The following DIRAS2 variants were observed in gnomAD, a reference collection of about 807,000 sequenced individuals.
The protein encoded by DIRAS2 is GTP-binding protein Di-Ras2.
Under a neutral mutation model 13.9 loss-of-function variants are expected in DIRAS2, and 5 were observed. That is an observed-to-expected ratio of 0.36 (90% CI 0.19 to 0.76). DIRAS2 has a LOEUF of 0.76. Ranked by LOEUF, DIRAS2 falls within the 30% of genes least tolerant of loss-of-function variation. The pLI is 0.53. For synonymous variants in DIRAS2, 111 were observed against 105.4 expected (o/e 1.05, Z -0.33); for missense variants, 191 against 263.0 (o/e 0.73, Z 1.89).
intron 1 of DIRAS2, among the ~76,000 whole-genome samples, chr9:90,633,104 T>C (rs1000469970): frequency 4.0e-5 from 6 of 151,076 alleles, no homozygotes; most frequent in Non-Finnish European, 7.4e-5. Flanking sequence ...GTGAGGAGAG[T>C]CTGGAAAAGA....
rs1825135017 is a variant in DIRAS2, at chr9:90,613,390, G to A, written c.438C>T (p.Ala146=). 1 of 1,614,124 alleles carries A rather than the reference G, an allele frequency of 6.2e-7. No homozygotes were observed. The highest frequency in any genetic ancestry group is 1.7e-5 in the Admixed American group (1 of 60,018). ...AEALARTWKC[A]FMETSAKLNH... The stretch of plus-strand genomic sequence containing the variant: ...TGAGCTTGGCTGAGGTCTCCATGAA[G>A]GCACACTTCCATGTGCGGGCCAAGG... Residue 146 remains alanine, a synonymous_variant, in exon 2 of 2, where the codon GCC becomes GCT. Transcript: ENST00000375765. This position sits in a 1 kb window ranked among gnomAD's most constrained non-coding sequence, Gnocchi z 5.6.
At chr9:90,640,913 TAGA>T (rs1233971953) in intron 1 of DIRAS2, among the ~76,000 whole-genome samples, 1 of 152,170 alleles carries the variant, frequency 6.6e-6, no homozygotes, top group African/African-American at 2.4e-5. Flanking sequence ...GTCTCCAAAT[TAGA>T]AGAAGAATGA....
chr9:90,617,505 T>A (rs554004965), intron 1 of DIRAS2, among the ~76,000 whole-genome samples: 1 of 152,324 alleles, frequency 6.6e-6, no homozygotes, highest in African/African-American at 2.4e-5. Flanking sequence ...TTTCTGCATT[T>A]GAGTTGCTTT....
chr9:90,638,127 T>C (rs1481921328), intron 1 of DIRAS2, among the ~76,000 whole-genome samples: 1 of 152,216 alleles, frequency 6.6e-6, no homozygotes, highest in Non-Finnish European at 1.5e-5. Context: ...CTGAAACCAC[T>C]AAAAATTCTC....
intron 1 of DIRAS2, among the ~76,000 whole-genome samples, chr9:90,626,934 C>T (rs999950135): frequency 1.3e-5 from 2 of 152,142 alleles, no homozygotes; most frequent in Non-Finnish European, 2.9e-5. Context: ...TTTGTCCCTG[C>T]CCACATTTTG....
At chr9:90,614,584 G>T (rs763725384) in intron 1 of DIRAS2, among the ~76,000 whole-genome samples, 1 of 152,046 alleles carries the variant, frequency 6.6e-6, no homozygotes, top group Non-Finnish European at 1.5e-5. Context: ...GGATGTCAAT[G>T]CCCATCCCAT....
intron 1 of DIRAS2, among the ~76,000 whole-genome samples, chr9:90,616,702 A>G (rs1038473798): frequency 7.5e-6 from 1 of 133,500 alleles, no homozygotes; most frequent in Admixed American, 9.0e-5. Context: ...ATGCCACCGC[A>G]CTCCAGCCTG....
rs777120040 is a variant in DIRAS2 at position 90,610,448 on chromosome 9, G to A, written c.*2780C>T. 7.3e-5 allele frequency: 29 copies of A among 398,944 alleles called. No homozygotes were observed. Among genetic ancestry groups the A allele is most frequent in the Middle Eastern group, 1.3e-3 (2 of 1,588 alleles). The allele number at this position is 398,944 out of a possible 1,614,324, so 24.7% of individuals were successfully genotyped here. On this transcript the variant is annotated 3_prime_UTR_variant, in exon 2 of 2. Coordinates refer to ENST00000375765, the MANE Select transcript of DIRAS2 (RefSeq NM_017594.5). Reference sequence around the variant, plus strand: ...GTCGCTGGATGGAGGAGGGGCTCATGGGGATAGAAGGGAAGTCATGGAGCC... The same window carrying A: ...GTCGCTGGATGGAGGAGGGGCTCATAGGGATAGAAGGGAAGTCATGGAGCC...
chr9:90,624,392 G>A (rs1247147010), intron 1 of DIRAS2, among the ~76,000 whole-genome samples: 15 of 151,676 alleles, frequency 9.9e-5, no homozygotes, highest in South Asian at 2.1e-4. Context: ...TGCTTTTCCC[G>A]GAATCTTGTA....
At chr9:90,620,754 A>G (rs950269970) in intron 1 of DIRAS2, among the ~76,000 whole-genome samples, 10 of 151,790 alleles carry the variant, frequency 6.6e-5, no homozygotes, top group Non-Finnish European at 1.5e-4. Context: ...AAAAAAAAAG[A>G]AAGGAAAGAA....
At chr9:90,622,501 A>G (rs991194465) in intron 1 of DIRAS2, among the ~76,000 whole-genome samples, 7 of 149,950 alleles carry the variant, frequency 4.7e-5, no homozygotes, top group Admixed American at 4.6e-4. Flanking sequence ...GCCAATTTTG[A>G]TATTTCAATT....
chr9:90,628,487 G>A (rs1825292271), intron 1 of DIRAS2, among the ~76,000 whole-genome samples: 1 of 151,196 alleles, frequency 6.6e-6, no homozygotes, highest in African/African-American at 2.4e-5. Flanking sequence ...TGTAAAACTG[G>A]ATAATATATG....
At chr9:90,642,473 A>G (rs529838307) in intron 1 of DIRAS2, among the ~76,000 whole-genome samples, 1 of 152,348 alleles carries the variant, frequency 6.6e-6, no homozygotes, top group East Asian at 1.9e-4. Flanking sequence ...GAATTTTCCA[A>G]AACGGTAAAT....
chr9:90,622,269 C>T (rs948589314), intron 1 of DIRAS2, among the ~76,000 whole-genome samples: 1 of 144,780 alleles, frequency 6.9e-6, no homozygotes, highest in African/African-American at 2.4e-5. Context: ...TAAATAAATA[C>T]ATACATTCAT....
intron 1 of DIRAS2, among the ~76,000 whole-genome samples, chr9:90,622,607 A>T (rs929245285): frequency 6.6e-6 from 1 of 152,110 alleles, no homozygotes; most frequent in Non-Finnish European, 1.5e-5. Context: ...CTCTCACTTG[A>T]TTGATAGAGT....
At chr9:90,623,442 T>C (rs1004250983) in intron 1 of DIRAS2, among the ~76,000 whole-genome samples, 4 of 151,770 alleles carry the variant, frequency 2.6e-5, no homozygotes, top group African/African-American at 9.7e-5. Flanking sequence ...AGCTTATACA[T>C]AGACAGCTAG....
rs1182506961 is a variant in DIRAS2 at position 90,611,885 on chromosome 9, T to A, written c.*1343A>T. 6.6e-6 allele frequency: 1 copy of A among 152,226 alleles called. No homozygotes were observed. The allele number at this position is 152,226 out of a possible 1,614,324, so 9.4% of individuals were successfully genotyped here. A position where few individuals can be genotyped will look rare whatever the true frequency, so the allele number is the denominator to read the frequency against. On this transcript the variant is annotated 3_prime_UTR_variant, in exon 2 of 2. Transcript: ENST00000375765. ...AGCCAAGTCCAACCAGGCTCTACGA[T>A]GGCAGAGCAATTAAGCTGAGTGGGC...
intron 1 of DIRAS2, among the ~76,000 whole-genome samples, chr9:90,639,369 C>T (rs903242964): frequency 6.6e-6 from 1 of 152,120 alleles, no homozygotes; most frequent in African/African-American, 2.4e-5. Flanking sequence ...ATTGAAAATA[C>T]TCATACCAGT....
chr9:90,613,031 G>C lies in DIRAS2; in HGVS notation c.*197C>G. 6 of 702,726 alleles carry C rather than the reference G, an allele frequency of 8.5e-6. No homozygotes were observed. In the South Asian group the frequency reaches 1.0e-4, roughly 12 times the overall value. 43.5% of individuals were successfully genotyped at this position (702,726 alleles called of 1,614,324 possible). The stretch of plus-strand genomic sequence containing the variant: ...TGTTGGTTTTCACTTGAACCGCCTG[G>C]CAGATTCTGTGACTCCAGAGTGGGT... On this transcript the variant is annotated 3_prime_UTR_variant, in exon 2 of 2. Transcript: ENST00000375765. This position sits in a 1 kb window ranked among gnomAD's most constrained non-coding sequence, Gnocchi z 5.6.
Sources: allele counts gnomAD v4.1 joint callset (sites outside exome capture counted in the v4.1 genomes callset), GRCh38; gene constraint gnomAD v4.1.1; non-coding constraint Gnocchi (gnomAD v3.1); transcripts MANE v1.5; gene names NCBI Gene and HGNC (gene_info 2026-07-23, HGNC 2026-07-21).